The following ADCY6 variants were observed in gnomAD, a reference collection of about 807,000 sequenced individuals.
The protein encoded by ADCY6 is adenylate cyclase type 6.
ADCY6 carries 59 observed loss-of-function variants against 111.6 expected under a neutral mutation model. That is an observed-to-expected ratio of 0.53 (90% CI 0.43 to 0.66). The LOEUF is 0.66. ADCY6 is among the 30% of genes least tolerant of loss of function. The probability of loss-of-function intolerance (pLI) is 0.00; values close to 1 mark genes in which losing one functional copy is unlikely to be tolerated. For synonymous variants in ADCY6, 576 were observed against 642.9 expected (o/e 0.90, Z 1.57); for missense variants, 1,242 against 1,595.6 (o/e 0.78, Z 3.78).
chr12:48,778,108 C>T lies in ADCY6; in HGVS notation c.1014G>A (p.Gln338=). Residue 338 remains glutamine (Q), a splice_region_variant and synonymous_variant, in exon 3 of 22, where the codon CAG becomes CAA. Transcript: ENST00000357869. ...CCCTGGTCACGGGGAGCAGCCCCACCTGCTGCCGATTCTCATGCTGCAGGT... is the reference window on the plus strand; with the variant it reads ...CCCTGGTCACGGGGAGCAGCCCCACTTGCTGCCGATTCTCATGCTGCAGGT... ...RLHLQHENRQ[Q]ERLLLSVLPQ... The T allele has an allele frequency of 6.2e-7, 1 of 1,607,252 alleles. No individual in the cohort carries two copies. Among genetic ancestry groups the T allele is most frequent in the Non-Finnish European group, 8.5e-7 (1 of 1,177,200 alleles).
At position 48,771,059 on chromosome 12, in the gene ADCY6, C is replaced by T. The variant is rs1170942528; in HGVS notation, c.3052-89G>A. The T allele has an allele frequency of 1.1e-5, 15 of 1,312,586 alleles. No individual in the cohort carries two copies. Among genetic ancestry groups the T allele is most frequent in the African/African-American group, 2.9e-5 (2 of 68,788 alleles). The allele number at this position is 1,312,586 out of a possible 1,614,324, so 81.3% of individuals were successfully genotyped here. ...CTCATTTCTTGCCACGCCTTGGCTG[C>T]CTTCCCCACTTCCCTGTCTCAAGAG... On this transcript the variant is annotated intron_variant, in intron 19 of 21. Transcript: ENST00000357869. The surrounding 1 kb of genome is among the most constrained non-coding windows in gnomAD (Gnocchi z 4.3).
Position 48,771,708 on chromosome 12 carries a change from A to C in ADCY6, c.3051+2T>G. 1 of 1,613,862 alleles carries C rather than the reference A, an allele frequency of 6.2e-7. No individual in the cohort carries two copies. The stretch of plus-strand genomic sequence containing the variant: ...GCCACCACCAGCCAACTGGAAAAGT[A>C]CCTCATCAAAGTCAGCGATGATCTC... On this transcript the variant is annotated splice_donor_variant, in intron 19 of 21. Transcript: ENST00000357869. LOFTEE classifies it high-confidence loss of function. The surrounding 1 kb of genome is among the most constrained non-coding windows in gnomAD (Gnocchi z 4.3).
chr12:48,786,742 T>G (rs1941985498), intron 1 of ADCY6, among the ~76,000 whole-genome samples: 1 of 152,154 alleles, frequency 6.6e-6, no homozygotes, highest in Non-Finnish European at 1.5e-5. Flanking sequence ...AGGCTGGCAT[T>G]TGGAAAAGGT....
At chr12:48,769,173 C>T (rs1289488966) in intron 20 of ADCY6, 112 bp from the exon 21 acceptor site, 3 of 1,185,770 alleles carry the variant, frequency 2.5e-6, no homozygotes, top group African/African-American at 3.1e-5. Flanking sequence ...GGAAAAAGGA[C>T]AAGTCTCCTG....
chr12:48,771,518 G>T lies in ADCY6; in HGVS notation c.3051+192C>A. 1 of 869,438 alleles carries T rather than the reference G, an allele frequency of 1.2e-6. No homozygotes were observed. Among genetic ancestry groups the T allele is most frequent in the Non-Finnish European group, 1.9e-6 (1 of 540,220 alleles). 53.9% of individuals were successfully genotyped at this position (869,438 alleles called of 1,614,324 possible). A position where few individuals can be genotyped will look rare whatever the true frequency, so the allele number is the denominator to read the frequency against. ...CAACAGTGATGACCCTGCCCCACTAGGGCTGACCCCCTTGCTGCCTCTGAC... is the reference window on the plus strand; with the variant it reads ...CAACAGTGATGACCCTGCCCCACTATGGCTGACCCCCTTGCTGCCTCTGAC... On this transcript the variant is annotated intron_variant, in intron 19 of 21. Transcript: ENST00000357869. This position sits in a 1 kb window ranked among gnomAD's most constrained non-coding sequence, Gnocchi z 4.3.
rs1337643391 is a variant in ADCY6, at chr12:48,777,608, A to G, written c.1136+7T>C. 1.2e-5 allele frequency: 19 copies of G among 1,612,914 alleles called. No individual in the cohort carries two copies. The highest frequency in any genetic ancestry group is 1.5e-5 in the Non-Finnish European group (18 of 1,179,930). The stretch of plus-strand genomic sequence containing the variant: ...CCCTGCTGGGCATCCTCCTACCCTC[A>G]CCCTACCTGACATTGTCATGCTTCT... On this transcript the variant is annotated splice_region_variant and intron_variant, in intron 4 of 21. Transcript: ENST00000357869. This position sits in a 1 kb window ranked among gnomAD's most constrained non-coding sequence, Gnocchi z 4.9.
chr12:48,775,822 C>T, intron 9 of ADCY6, 124 bp from the exon 10 acceptor site: 1 of 1,510,444 alleles, frequency 6.6e-7, no homozygotes, highest in South Asian at 1.2e-5. Flanking sequence ...GGCACTGGGA[C>T]CCGAGATGAA....
In ADCY6 at chr12:48,766,667, G is replaced by A. The variant is rs1183458202; in HGVS notation, c.*1924C>T. The A allele has an allele frequency of 6.6e-6, 1 of 152,634 alleles. No individual in the cohort carries two copies. The highest frequency in any genetic ancestry group is 1.5e-5 in the Non-Finnish European group (1 of 68,054). The allele number at this position is 152,634 out of a possible 1,614,324, so 9.5% of individuals were successfully genotyped here. ...GGTTGATGCATGAAGATGCCCAAGG[G>A]AGGCATTACCCAGAAACCAGGCCTC... is the stretch of plus-strand genomic sequence containing the variant. On this transcript the variant is annotated 3_prime_UTR_variant, in exon 22 of 22. Transcript: ENST00000357869.
In ADCY6 at chr12:48,775,123, C is replaced by T. The variant is rs1941661283; in HGVS notation, c.1981-69G>A. On this transcript the variant is annotated intron_variant, in intron 11 of 21. Transcript: ENST00000357869. ...GAAGGCAGGGACAGCAAGGACAGGG[C>T]ACTACCAGGGGTCTCAACAGGGAGG... 3.4e-6 allele frequency: 5 copies of T among 1,467,976 alleles called. No individual in the cohort carries two copies. The East Asian group carries it at 9.9e-5, about 29-fold the overall frequency. 90.9% of individuals were successfully genotyped at this position (1,467,976 alleles called of 1,614,324 possible).
At position 48,776,642 on chromosome 12, in the gene ADCY6, C is replaced by T. The variant is rs3730066; in HGVS notation, c.1377-56G>A. The stretch of plus-strand genomic sequence containing the variant: ...GGCAGTCTTCCCCTCCCCCAGCCCA[C>T]AACCCAGGCCCTTCACTCCTCTCAG... On this transcript the variant is annotated intron_variant, in intron 6 of 21. Coordinates refer to ENST00000357869, the MANE Select transcript of ADCY6 (RefSeq NM_015270.5). The surrounding 1 kb of genome is among the most constrained non-coding windows in gnomAD (Gnocchi z 6.1). 9.3e-3 allele frequency: 14,532 copies of T among 1,556,830 alleles called. 1,087 individuals carry two copies. In the African/African-American group the frequency reaches 0.17, roughly 18 times the overall value.
In ADCY6 at chr12:48,767,872, A is replaced by T. The variant is rs1282672649; in HGVS notation, c.*719T>A. 1 of 153,230 alleles carries T rather than the reference A, an allele frequency of 6.5e-6. No homozygotes were observed. Among genetic ancestry groups the T allele is most frequent in the Non-Finnish European group, 1.5e-5 (1 of 68,518 alleles). 9.5% of individuals were successfully genotyped at this position (153,230 alleles called of 1,614,324 possible). On this transcript the variant is annotated 3_prime_UTR_variant, in exon 22 of 22. Transcript: ENST00000357869. ...CTCTCTGAGCATTTTTCACAGTACC[A>T]GTGAGGCCAGACACCCCGTTCCCTG...
chr12:48,773,493 T>C lies in ADCY6; in HGVS notation c.2597A>G (p.Asp866Gly). Residue 866 changes from aspartate (D) to glycine (G), a missense_variant, in exon 16 of 22, where the codon GAC becomes GGC. Asp to Gly is a moderately conservative substitution (Grantham distance 94). Transcript: ENST00000357869. ...CAAGCCATGGACGCCAAGCAGTAGG[T>C]CATAGTTGTCAAAGATGGTGGCTGG... ...GPPATIFDNY[D>G]LLLGVHGLAS... 1.2e-6 allele frequency: 2 copies of C among 1,613,822 alleles called. No individual in the cohort carries two copies. Among genetic ancestry groups the C allele is most frequent in the Non-Finnish European group, 1.7e-6 (2 of 1,179,918 alleles).
At position 48,775,430 on chromosome 12, in the gene ADCY6, A is replaced by T; in HGVS notation, c.1853T>A (p.Leu618Gln). 6.2e-7 allele frequency: 1 copy of T among 1,614,140 alleles called. No homozygotes were observed. The highest frequency in any genetic ancestry group is 8.5e-7 in the Non-Finnish European group (1 of 1,180,016). ...SKDNRGTQDA[L>Q]NPEDEVDEFL... ...CTCATCCACCTCATCCTCAGGGTTC[A>T]GGGCATCTTGGGTGCCCCGGCTGAG... Residue 618 changes from leucine (L) to glutamine (Q), a missense_variant, in exon 11 of 22, where the codon CTG becomes CAG. Leu to Gln is a moderately radical substitution (Grantham distance 113). This residue lies in a region of ADCY6 where 375 missense variants were observed against 432.5 expected (regional missense o/e 0.87). Coordinates refer to ENST00000357869, the MANE Select transcript of ADCY6 (RefSeq NM_015270.5).
At chr12:48,780,996 C>A (rs544533472) in intron 2 of ADCY6, among the ~76,000 whole-genome samples, 2 of 152,228 alleles carry the variant, frequency 1.3e-5, no homozygotes, top group African/African-American at 4.8e-5. Flanking sequence ...GTCAAGAGAT[C>A]GAGACCATCC....
intron 1 of ADCY6, among the ~76,000 whole-genome samples, chr12:48,787,717 C>T (rs964941748): frequency 6.6e-6 from 1 of 152,204 alleles, no homozygotes; most frequent in African/African-American, 2.4e-5. Flanking sequence ...ACCTTCTCCT[C>T]CCCTGAGTGT....
At chr12:48,784,920 C>G (rs1941952773) in intron 1 of ADCY6, among the ~76,000 whole-genome samples, 2 of 152,104 alleles carry the variant, frequency 1.3e-5, no homozygotes, top group Admixed American at 6.5e-5. Flanking sequence ...CACCAGCTAA[C>G]AGTGATAATC....
chr12:48,777,599 C>T lies in ADCY6; in HGVS notation c.1136+16G>A. The T allele has an allele frequency of 1.2e-6, 2 of 1,613,224 alleles. No homozygotes were observed. Among genetic ancestry groups the T allele is most frequent in the Non-Finnish European group, 8.5e-7 (1 of 1,180,016 alleles). On this transcript the variant is annotated intron_variant, in intron 4 of 21. Transcript: ENST00000357869. This position sits in a 1 kb window ranked among gnomAD's most constrained non-coding sequence, Gnocchi z 4.9. ...GACCCCCCGCCCTGCTGGGCATCCT[C>T]CTACCCTCACCCTACCTGACATTGT...
rs745436047 is a variant in ADCY6 at position 48,773,909 on chromosome 12, C to A, written c.2442+31G>T. 13 of 1,607,276 alleles carry A rather than the reference C, an allele frequency of 8.1e-6. No homozygotes were observed. In the African/African-American group the frequency reaches 1.5e-4, roughly 18 times the overall value. On this transcript the variant is annotated intron_variant, in intron 15 of 21. Coordinates refer to ENST00000357869, the MANE Select transcript of ADCY6 (RefSeq NM_015270.5). The stretch of plus-strand genomic sequence containing the variant: ...AGGGCCAATGTCTGTGCCAGGACAG[C>A]CCCCCCACCGCCTGAGCACTGCTCG...
chr12:48,776,675 C>T lies in ADCY6; in HGVS notation c.1377-89G>A, dbSNP rs1313603418. 45 of 1,480,378 alleles carry T rather than the reference C, an allele frequency of 3.0e-5. No homozygotes were observed. The highest frequency in any genetic ancestry group is 4.0e-5 in the South Asian group (3 of 75,108). 91.7% of individuals were successfully genotyped at this position (1,480,378 alleles called of 1,614,324 possible). On this transcript the variant is annotated intron_variant, in intron 6 of 21. Coordinates refer to ENST00000357869, the MANE Select transcript of ADCY6 (RefSeq NM_015270.5). The surrounding 1 kb of genome is among the most constrained non-coding windows in gnomAD (Gnocchi z 6.1). ...GCCCTTCACTCCTCTCAGGGCCCAG[C>T]GGGCAAGGACAGACCCAGATGCAGG...
Sources: gnomAD v4.1 joint callset for allele counts (sites outside exome capture counted in the v4.1 genomes callset) on GRCh38, gnomAD v4.1.1 for gene constraint, gnomAD v4.1.1 regional missense constraint, Gnocchi (gnomAD v3.1) non-coding constraint, MANE v1.5 for transcripts, NCBI Gene and HGNC (gene_info 2026-07-23, HGNC 2026-07-21) for gene names.